Variants in PITPNC1 observed in about 807,000 individuals in gnomAD.
The protein encoded by PITPNC1 is phosphatidylinositol transfer protein cytoplasmic 1.
In PITPNC1, 18 loss-of-function variants were observed where a neutral mutation model predicts 44.7. That is an observed-to-expected ratio of 0.40 (90% CI 0.28 to 0.60). PITPNC1 has a LOEUF of 0.60. Among genes scored for constraint, PITPNC1 ranks in the 20% least tolerant of loss-of-function variants. PITPNC1 has a pLI of 0.39. For synonymous variants in PITPNC1, 141 were observed against 149.6 expected, an observed-to-expected ratio of 0.94 and a Z score of 0.42; for missense variants, 290 against 418.4, an observed-to-expected ratio of 0.69 and a Z score of 2.68.
chr17:67,589,098 T>C (rs2041357894), intron 5 of PITPNC1, among the ~76,000 whole-genome samples: 1 of 152,222 alleles, frequency 6.6e-6, no homozygotes, highest in African/African-American at 2.4e-5. Context: ...AAGTCAATGT[T>C]CTTATTCAAT....
intron 1 of PITPNC1, among the ~76,000 whole-genome samples, chr17:67,460,441 T>G (rs1343498959): frequency 2.0e-5 from 3 of 151,926 alleles, no homozygotes; most frequent in Non-Finnish European, 4.4e-5. Context: ...TTTTTTTTTT[T>G]GAAACAGAGT....
At chr17:67,437,412 G>A (rs570414237) in intron 1 of PITPNC1, among the ~76,000 whole-genome samples, 1 of 152,212 alleles carries the variant, frequency 6.6e-6, no homozygotes, top group East Asian at 1.9e-4. Flanking sequence ...GCCAGGGAAC[G>A]CCTGGGGCCA....
At chr17:67,554,457 C>T (rs999907836) in intron 4 of PITPNC1, among the ~76,000 whole-genome samples, 2 of 151,952 alleles carry the variant, frequency 1.3e-5, no homozygotes, top group African/African-American at 4.8e-5. Context: ...GGGGTTTCAC[C>T]ATGTTGGCCA....
At chr17:67,660,922 G>A (rs879522418) in intron 6 of PITPNC1, among the ~76,000 whole-genome samples, 28 of 150,094 alleles carry the variant, frequency 1.9e-4, no homozygotes, top group South Asian at 8.4e-4. Context: ...GCAGTGATGC[G>A]ATCTTGGCTT....
At chr17:67,390,734 A>G (rs2038126018) in intron 1 of PITPNC1, among the ~76,000 whole-genome samples, 1 of 152,168 alleles carries the variant, frequency 6.6e-6, no homozygotes, top group Admixed American at 6.6e-5. Flanking sequence ...TTGCTAGAGG[A>G]GAGCGCCACT....
At chr17:67,523,738 G>T (rs2040357906) in intron 1 of PITPNC1, among the ~76,000 whole-genome samples, 1 of 151,492 alleles carries the variant, frequency 6.6e-6, no homozygotes, top group Non-Finnish European at 1.5e-5. Flanking sequence ...CTCAGGAAGG[G>T]AGGGCCTCTC....
At chr17:67,406,788 C>T (rs1215792389) in intron 1 of PITPNC1, among the ~76,000 whole-genome samples, 1 of 151,862 alleles carries the variant, frequency 6.6e-6, no homozygotes, top group African/African-American at 2.4e-5. Context: ...GGTTTCACCA[C>T]GTTGGCAAGG....
chr17:67,595,625 T>C (rs2144263864), intron 5 of PITPNC1, among the ~76,000 whole-genome samples: 1 of 152,308 alleles, frequency 6.6e-6, no homozygotes. Flanking sequence ...TTTTTAACCA[T>C]GCAGTGTGTC....
intron 5 of PITPNC1, chr17:67,612,987 G>C (rs1273156628): frequency 3.3e-5 from 5 of 152,222 alleles, no homozygotes; most frequent in Non-Finnish European, 5.9e-5. Flanking sequence ...CCTGAGGTCG[G>C]GAGTTTGAGA....
intron 1 of PITPNC1, among the ~76,000 whole-genome samples, chr17:67,507,544 G>A (rs1256905819): frequency 6.6e-6 from 1 of 151,752 alleles, no homozygotes; most frequent in African/African-American, 2.4e-5. Flanking sequence ...AATTAGCCAG[G>A]CGTGGTGGCA....
At chr17:67,673,414 C>G (rs1182223320) in intron 7 of PITPNC1, among the ~76,000 whole-genome samples, 1 of 152,152 alleles carries the variant, frequency 6.6e-6, no homozygotes, top group Non-Finnish European at 1.5e-5. Flanking sequence ...CACACACACA[C>G]ACACAAATGG....
intron 1 of PITPNC1, among the ~76,000 whole-genome samples, chr17:67,477,730 G>A (rs562326323): frequency 1.3e-5 from 2 of 152,126 alleles, no homozygotes; most frequent in African/African-American, 4.8e-5. Context: ...CATTCAGACA[G>A]CACTCAAGGC....
At position 67,522,689 on chromosome 17, in the gene PITPNC1, A is replaced by G. The variant is rs146232943; in HGVS notation, c.49-10113A>G. Among the ~76,000 whole-genome samples, 485 of 99,896 alleles carry G rather than the reference A, an allele frequency of 4.9e-3. 5 individuals are homozygous for G. The highest frequency in any genetic ancestry group is 0.035 in the African/African-American group (459 of 13,096). The allele number at this position is 99,896 out of a possible 152,430, so 65.5% of individuals were successfully genotyped here. A position where few individuals can be genotyped will look rare whatever the true frequency, so the allele number is the denominator to read the frequency against. The stretch of plus-strand genomic sequence containing the variant: ...TTTTTTTTTTGGAAAATGAGGTCTC[A>G]CTTGCTTGCCCAGGCTGGAGCACAG... On this transcript the variant is annotated intron_variant, in intron 1 of 8. Coordinates refer to ENST00000581322, the MANE Select transcript of PITPNC1 (RefSeq NM_012417.4).
intron 2 of PITPNC1, among the ~76,000 whole-genome samples, chr17:67,540,273 T>C (rs570943292): frequency 2.0e-5 from 3 of 151,978 alleles, no homozygotes; most frequent in African/African-American, 4.8e-5. Context: ...CTGGCTAATT[T>C]GTGTATGTTT....
intron 4 of PITPNC1, among the ~76,000 whole-genome samples, chr17:67,560,191 C>T (rs2040888300): frequency 1.3e-5 from 2 of 152,194 alleles, no homozygotes; most frequent in South Asian, 4.1e-4. Flanking sequence ...TCCAAGGGAT[C>T]TTGGATTTTG....
intron 1 of PITPNC1, among the ~76,000 whole-genome samples, chr17:67,499,415 C>T (rs1285749516): frequency 2.0e-5 from 3 of 151,984 alleles, no homozygotes; most frequent in Non-Finnish European, 2.9e-5. Flanking sequence ...AGGGGTCTCA[C>T]CATGTTGCCC....
chr17:67,479,746 G>A (rs1264325384), intron 1 of PITPNC1, among the ~76,000 whole-genome samples: 5 of 152,124 alleles, frequency 3.3e-5, no homozygotes. Context: ...ATTTCTAAAA[G>A]TACAGTTCCT....
intron 5 of PITPNC1, among the ~76,000 whole-genome samples, chr17:67,615,849 G>A (rs1010497027): frequency 6.6e-6 from 1 of 152,100 alleles, no homozygotes; most frequent in African/African-American, 2.4e-5. Context: ...GTTCTGCGTC[G>A]CTGGTGCCAG....
intron 1 of PITPNC1, among the ~76,000 whole-genome samples, chr17:67,433,306 C>T (rs771748292): frequency 9.2e-5 from 14 of 152,158 alleles, no homozygotes; most frequent in East Asian, 3.9e-4. Context: ...AGGTCTTAGC[C>T]GCGGGCTGCG....
Sources: gnomAD v4.1 joint callset for allele counts (sites outside exome capture counted in the v4.1 genomes callset) on GRCh38, gnomAD v4.1.1 for gene constraint, MANE v1.5 for transcripts, NCBI Gene and HGNC (gene_info 2026-07-23, HGNC 2026-07-21) for gene names.